ARMC5: variants seen among roughly 807,000 people sequenced by gnomAD.
ARMC5 encodes armadillo repeat-containing protein 5.
Under a neutral mutation model 60.5 loss-of-function variants are expected in ARMC5, and 28 were observed. The observed-to-expected ratio is 0.46, with a 90% CI of 0.34 to 0.63. The LOEUF is 0.63. Ranked by LOEUF, ARMC5 falls within the 30% of genes least tolerant of loss-of-function variation. The pLI is 0.01. For synonymous variants in ARMC5, 680 were observed against 607.3 expected (o/e 1.12, Z -1.76); for missense variants, 1,189 against 1,304.9 (o/e 0.91, Z 1.37).
In ARMC5 at chr16:31,465,996, G is replaced by A. The variant is rs761336559; in HGVS notation, c.1997+14G>A. On this transcript the variant is annotated intron_variant, in intron 5 of 5. Coordinates refer to ENST00000268314, the MANE Select transcript of ARMC5 (RefSeq NM_001105247.2). Reference sequence around the variant, plus strand: ...CTTCATCTGCCGGTGAGTGGGAAGTGGGTGCCTTGCGGGGTTGGGGGAGGA... The same window carrying A: ...CTTCATCTGCCGGTGAGTGGGAAGTAGGTGCCTTGCGGGGTTGGGGGAGGA... 1.3e-6 allele frequency: 2 copies of A among 1,599,754 alleles called. No homozygotes were observed. The highest frequency in any genetic ancestry group is 1.7e-6 in the Non-Finnish European group (2 of 1,177,820).
chr16:31,459,237 C>T, upstream of ARMC5: 1 of 1,532,796 alleles, frequency 6.5e-7, no homozygotes, highest in Non-Finnish European at 8.7e-7. Flanking sequence ...CTGGAGGGCC[C>T]TGGAAGAGTT....
chr16:31,464,865 C>G lies in ARMC5; in HGVS notation c.1842C>G (p.Leu614=), dbSNP rs55800131. ...DWPAPRARPT[L]HSRHRELGER... is the part of the protein sequence containing the mutation. Reference sequence around the variant, plus strand: ...CGGCACCACGTGCCCGGCCCACTCTCCACAGCCGGCACCGAGAGCTGGGTG... The same window carrying G: ...CGGCACCACGTGCCCGGCCCACTCTGCACAGCCGGCACCGAGAGCTGGGTG... Residue 614 remains leucine, a synonymous_variant, in exon 4 of 6, where the codon CTC becomes CTG. Coordinates refer to ENST00000268314, the MANE Select transcript of ARMC5 (RefSeq NM_001105247.2). The surrounding 1 kb of genome is among the most constrained non-coding windows in gnomAD (Gnocchi z 7.6). 0.082 allele frequency: 131,656 copies of G among 1,600,760 alleles called. 5,982 individuals carry two copies. The highest frequency in any genetic ancestry group is 0.094 in the Non-Finnish European group (110,786 of 1,179,018).
chr16:31,463,343 C>T (rs2082321740), intron 3 of ARMC5, among the ~76,000 whole-genome samples: 1 of 152,328 alleles, frequency 6.6e-6, no homozygotes, highest in South Asian at 2.1e-4. Context: ...AGGTGATCCA[C>T]CCGCCTCAGC....
rs776059370 is a variant in ARMC5, at chr16:31,465,893, C to T, written c.1908C>T (p.Pro636=). Residue 636 remains proline (P), a synonymous_variant, in exon 5 of 6, where the codon CCC becomes CCT. Transcript: ENST00000268314. ...LQNLTVQAES[P]FGVGALTHLL... Reference sequence around the variant, plus strand: ...ACCTGACGGTTCAGGCTGAGTCGCCCTTTGGGGTTGGGGCCCTGACGCACC... The same window carrying T: ...ACCTGACGGTTCAGGCTGAGTCGCCTTTTGGGGTTGGGGCCCTGACGCACC... 3.1e-6 allele frequency: 5 copies of T among 1,609,456 alleles called. No individual in the cohort carries two copies. In the East Asian group the frequency reaches 6.7e-5, roughly 22 times the overall value.
chr16:31,459,644 G>A lies in ARMC5; in HGVS notation c.120G>A (p.Leu40=), dbSNP rs760653287. ...ACCCAGCGACCAACGAGACACCCCT[G>A]AGCCGCGCGCTCCTAGCCCTCCGCA... ...EKDPATNETP[L]SRALLALRTR... Residue 40 remains leucine (L), a synonymous_variant, in exon 1 of 6, where the codon CTG becomes CTA. Transcript: ENST00000268314. 2 of 1,592,594 alleles carry A rather than the reference G, an allele frequency of 1.3e-6. No homozygotes were observed. Among genetic ancestry groups the A allele is most frequent in the Admixed American group, 1.7e-5 (1 of 57,582 alleles).
chr16:31,466,972 G>A lies in ARMC5; in HGVS notation c.*83G>A. 4 of 1,391,862 alleles carry A rather than the reference G, an allele frequency of 2.9e-6. No individual in the cohort carries two copies. The highest frequency in any genetic ancestry group is 3.8e-6 in the Non-Finnish European group (4 of 1,065,636). 86.2% of individuals were successfully genotyped at this position (1,391,862 alleles called of 1,614,324 possible). A position where few individuals can be genotyped will look rare whatever the true frequency, so the allele number is the denominator to read the frequency against. On this transcript the variant is annotated 3_prime_UTR_variant, in exon 6 of 6. Coordinates refer to ENST00000268314, the MANE Select transcript of ARMC5 (RefSeq NM_001105247.2). This position sits in a 1 kb window ranked among gnomAD's most constrained non-coding sequence, Gnocchi z 8.0. ...CCTGAGACTGGCAAGGGAGGAGGCT[G>A]AGCAGAAGGAGTCATCATGGAGGAG... is the stretch of plus-strand genomic sequence containing the variant.
Position 31,466,211 on chromosome 16 carries a change from C to T in ARMC5, c.2130C>T (p.Asp710=), listed in dbSNP as rs1484047569. 1 of 1,613,622 alleles carries T rather than the reference C, an allele frequency of 6.2e-7. No homozygotes were observed. The highest frequency in any genetic ancestry group is 8.5e-7 in the Non-Finnish European group (1 of 1,179,896). ...CGGACTCCCTTTCCTGCCTCCAAGA[C>T]CTGGTGTCTCCCACTGTGAGCCCAG... is the stretch of plus-strand genomic sequence containing the variant. ...FAADSLSCLQ[D]LVSPTVSPAV... Residue 710 remains aspartate, a synonymous_variant, in exon 6 of 6, where the codon GAC becomes GAT. Transcript: ENST00000268314. This position sits in a 1 kb window ranked among gnomAD's most constrained non-coding sequence, Gnocchi z 8.0.
At chr16:31,463,173 A>T (rs573637210) in intron 3 of ARMC5, among the ~76,000 whole-genome samples, 1 of 150,940 alleles carries the variant, frequency 6.6e-6, no homozygotes, top group South Asian at 2.1e-4. Context: ...ATCTCCACTC[A>T]CTGCAACCTC....
intron 1 of ARMC5, 48 bp downstream of exon 1, chr16:31,460,047 C>T: frequency 1.9e-6 from 3 of 1,583,924 alleles, no homozygotes; most frequent in East Asian, 2.3e-5. Flanking sequence ...TTGCAACTCC[C>T]TTGCTCTCTA....
upstream of ARMC5, chr16:31,459,018 C>T: frequency 6.5e-7 from 1 of 1,531,996 alleles, no homozygotes; most frequent in African/African-American, 1.4e-5. Context: ...GCGAGGGCTC[C>T]CCGTCTGCGG....
At position 31,462,074 on chromosome 16, in the gene ARMC5, G is replaced by A. The variant is rs2082308293; in HGVS notation, c.583+45G>A. The A allele has an allele frequency of 6.2e-7, 1 of 1,613,398 alleles. No homozygotes were observed. Among genetic ancestry groups the A allele is most frequent in the South Asian group, 1.1e-5 (1 of 91,084 alleles). ...GGGTCTGCTAGGGCTTGGGGCAGAAGAAAGGCTTGAGTGTCTGTCCTTGTT... is the reference window on the plus strand; with the variant it reads ...GGGTCTGCTAGGGCTTGGGGCAGAAAAAAGGCTTGAGTGTCTGTCCTTGTT... On this transcript the variant is annotated intron_variant, in intron 2 of 5. Coordinates refer to ENST00000268314, the MANE Select transcript of ARMC5 (RefSeq NM_001105247.2). The surrounding 1 kb of genome is among the most constrained non-coding windows in gnomAD (Gnocchi z 7.2).
Position 31,466,042 on chromosome 16 carries a change from G to T in ARMC5, c.1998-37G>T, listed in dbSNP as rs998155443. 3 of 1,592,046 alleles carry T rather than the reference G, an allele frequency of 1.9e-6. No homozygotes were observed. Among genetic ancestry groups the T allele is most frequent in the Admixed American group, 3.4e-5 (2 of 58,218 alleles). On this transcript the variant is annotated intron_variant, in intron 5 of 5. Transcript: ENST00000268314. The surrounding 1 kb of genome is among the most constrained non-coding windows in gnomAD (Gnocchi z 8.0). ...GAGGAGTGCTGTGTTTCCCAGGCCCGTTGCCCACCTTTTGAAAGGCCCTCT... is the reference window on the plus strand; with the variant it reads ...GAGGAGTGCTGTGTTTCCCAGGCCCTTTGCCCACCTTTTGAAAGGCCCTCT...
chr16:31,463,051 C>T (rs1443398855), intron 3 of ARMC5, 134 bp downstream of exon 3: 1 of 938,278 alleles, frequency 1.1e-6, no homozygotes, highest in South Asian at 1.9e-5. Flanking sequence ...TCCTGATTCC[C>T]ACACGACCAC....
upstream of ARMC5, chr16:31,458,944 C>T (rs945833502): frequency 1.0e-5 from 16 of 1,535,626 alleles, no homozygotes; most frequent in Admixed American, 2.0e-5. Flanking sequence ...TCCACAAGCC[C>T]GTCACTCTAG....
rs114040639 is a variant in ARMC5 at position 31,464,695 on chromosome 16, G to T, written c.1672G>T (p.Ala558Ser). ...CGGCCTGCTGACCTATGTGACCGGC[G>T]CACCGGGCCCGCCCAGCCCACGTGC... ...LYGLLTYVTG[A>S]PGPPSPRALR... Residue 558 changes from alanine (A) to serine (S), a missense_variant, in exon 4 of 6, where the codon GCA (alanine) becomes TCA (serine). Physicochemically the swap from Ala to Ser is moderately conservative, Grantham distance 99. Coordinates refer to ENST00000268314, the MANE Select transcript of ARMC5 (RefSeq NM_001105247.2). This position sits in a 1 kb window ranked among gnomAD's most constrained non-coding sequence, Gnocchi z 7.6. The T allele has an allele frequency of 1.3e-6, 2 of 1,598,462 alleles. No individual in the cohort carries two copies. The highest frequency in any genetic ancestry group is 1.1e-5 in the South Asian group (1 of 90,954).
In ARMC5 at chr16:31,459,678, A is replaced by T; in HGVS notation, c.154A>T (p.Ile52Phe). Reference protein sequence around the residue: ...RALLALRTRHIKAAGGIERFR... With the variant: ...RALLALRTRHFKAAGGIERFR... The stretch of plus-strand genomic sequence containing the variant: ...GCTCCTAGCCCTCCGCACGCGCCAC[A>T]TCAAGGCAGCGGGGGGAATCGAGCG... Residue 52 changes from isoleucine (I) to phenylalanine (F), a missense_variant, in exon 1 of 6, where the codon ATC becomes TTC. Physicochemically the swap from Ile to Phe is conservative, Grantham distance 21 (BLOSUM62 0). This residue lies in a region of ARMC5 where 327 missense variants were observed against 233.7 expected (regional missense o/e 1.40). Coordinates refer to ENST00000268314, the MANE Select transcript of ARMC5 (RefSeq NM_001105247.2). The T allele has an allele frequency of 6.3e-7, 1 of 1,578,552 alleles. No homozygotes were observed. The highest frequency in any genetic ancestry group is 8.5e-7 in the Non-Finnish European group (1 of 1,171,486).
Position 31,466,029 on chromosome 16 carries a change from G to A in ARMC5, c.1997+47G>A, listed in dbSNP as rs2082354650. On this transcript the variant is annotated intron_variant, in intron 5 of 5. Coordinates refer to ENST00000268314, the MANE Select transcript of ARMC5 (RefSeq NM_001105247.2). This position sits in a 1 kb window ranked among gnomAD's most constrained non-coding sequence, Gnocchi z 8.0. ...TGCGGGGTTGGGGGAGGAGTGCTGTGTTTCCCAGGCCCGTTGCCCACCTTT... is the reference window on the plus strand; with the variant it reads ...TGCGGGGTTGGGGGAGGAGTGCTGTATTTCCCAGGCCCGTTGCCCACCTTT... 2 of 1,594,314 alleles carry A rather than the reference G, an allele frequency of 1.3e-6. No homozygotes were observed. The highest frequency in any genetic ancestry group is 1.7e-5 in the Admixed American group (1 of 58,804).
At chr16:31,458,364 T>TA (rs1252217571), upstream of ARMC5, 1 of 1,528,966 alleles carries the variant, frequency 6.5e-7, no homozygotes, top group Non-Finnish European at 8.8e-7. Context: ...CTGAAAGTCT[T>TA]ACCACACTAG....
upstream of ARMC5, chr16:31,458,707 G>A (rs2082268599): frequency 2.7e-6 from 4 of 1,456,454 alleles, no homozygotes; most frequent in Non-Finnish European, 2.7e-6. Context: ...CTGCTCAGGC[G>A]GAGCCACCTC....
Sources: allele counts gnomAD v4.1 joint callset (sites outside exome capture counted in the v4.1 genomes callset), GRCh38; gene constraint gnomAD v4.1.1; regional missense constraint gnomAD v4.1.1; non-coding constraint Gnocchi (gnomAD v3.1); transcripts MANE v1.5; gene names NCBI Gene and HGNC (gene_info 2026-07-23, HGNC 2026-07-21).